Variants in ASIC2 observed in about 807,000 individuals in gnomAD.
ASIC2 encodes acid-sensing ion channel 2.
ASIC2 carries 25 observed loss-of-function variants against 57.3 expected under a neutral mutation model. The observed-to-expected ratio is 0.44, with a 90% CI of 0.32 to 0.61. The LOEUF (loss-of-function observed/expected upper bound fraction) is 0.61, where lower values mean the gene tolerates loss of function less well. Ranked by LOEUF, ASIC2 falls within the 20% of genes least tolerant of loss-of-function variation. ASIC2 has a pLI of 0.06. For synonymous variants in ASIC2, 319 were observed against 307.5 expected (o/e 1.04, Z -0.39); for missense variants, 641 against 738.1 (o/e 0.87, Z 1.52).
At chr17:33,871,159 G>C (rs993686266) in intron 1 of ASIC2, among the ~76,000 whole-genome samples, 37 of 152,310 alleles carry the variant, frequency 2.4e-4, no homozygotes, top group African/African-American at 8.7e-4. Flanking sequence ...CCGGATAGAT[G>C]CCAGATTCCT....
At chr17:33,538,246 A>G (rs987248659) in intron 1 of ASIC2, among the ~76,000 whole-genome samples, 3 of 152,188 alleles carry the variant, frequency 2.0e-5, no homozygotes, top group Non-Finnish European at 4.4e-5. Flanking sequence ...AACAGGACTT[A>G]GAGGTGAAAA....
At chr17:33,448,831 A>T (rs1169056037) in intron 1 of ASIC2, among the ~76,000 whole-genome samples, 4 of 152,208 alleles carry the variant, frequency 2.6e-5, no homozygotes, top group Admixed American at 6.5e-5. Flanking sequence ...CCTTGCATAG[A>T]TGCAGAATGG....
At chr17:33,482,850 G>A (rs896082821) in intron 1 of ASIC2, among the ~76,000 whole-genome samples, 5 of 152,226 alleles carry the variant, frequency 3.3e-5, no homozygotes, top group African/African-American at 1.2e-4. Flanking sequence ...GCCTGGCAAT[G>A]AGAATTGTGA....
intron 1 of ASIC2, among the ~76,000 whole-genome samples, chr17:34,022,165 C>T (rs1475121832): frequency 6.6e-6 from 1 of 152,158 alleles, no homozygotes; most frequent in Non-Finnish European, 1.5e-5. Flanking sequence ...TTAAGCACCA[C>T]TTCCCTGGGG....
At chr17:33,639,312 C>T (rs1906477910) in intron 1 of ASIC2, among the ~76,000 whole-genome samples, 4 of 152,184 alleles carry the variant, frequency 2.6e-5, no homozygotes, top group Admixed American at 2.6e-4. Context: ...ATTTCATCCC[C>T]TCTCCTGGGT....
intron 1 of ASIC2, among the ~76,000 whole-genome samples, chr17:33,701,904 C>T (rs1028714574): frequency 1.3e-5 from 2 of 152,170 alleles, no homozygotes; most frequent in South Asian, 2.1e-4. Flanking sequence ...ATTTCATTGT[C>T]GGTACTTCTG....
At chr17:33,849,297 G>A (rs911523902) in intron 1 of ASIC2, among the ~76,000 whole-genome samples, 3 of 152,166 alleles carry the variant, frequency 2.0e-5, no homozygotes, top group African/African-American at 4.8e-5. Context: ...CTTGCTGTCC[G>A]CTATTAGCAG....
At chr17:33,043,891 G>T (rs1421414900) in intron 3 of ASIC2, among the ~76,000 whole-genome samples, 4 of 152,172 alleles carry the variant, frequency 2.6e-5, no homozygotes, top group African/African-American at 9.7e-5. Flanking sequence ...CGAAGTTGCA[G>T]TAGTAGCTGA....
chr17:33,236,569 G>C (rs1341730793), intron 1 of ASIC2, among the ~76,000 whole-genome samples: 1 of 151,600 alleles, frequency 6.6e-6, no homozygotes, highest in Admixed American at 6.6e-5. Flanking sequence ...TTGAACACCT[G>C]GGCCCAAGTG....
chr17:33,534,633 C>T (rs1024950018), intron 1 of ASIC2: 1 of 152,188 alleles, frequency 6.6e-6, no homozygotes, highest in Admixed American at 6.5e-5. Context: ...TATTGTTATC[C>T]ATCACCCCAT....
At chr17:34,131,786 C>T (rs961130351) in intron 1 of ASIC2, among the ~76,000 whole-genome samples, 4 of 152,150 alleles carry the variant, frequency 2.6e-5, no homozygotes, top group African/African-American at 7.2e-5. Flanking sequence ...TTGCCGAGGC[C>T]CCCTGTCCAA....
At chr17:33,360,873 C>T (rs1169433232) in intron 1 of ASIC2, among the ~76,000 whole-genome samples, 1 of 152,130 alleles carries the variant, frequency 6.6e-6, no homozygotes, top group Non-Finnish European at 1.5e-5. Context: ...AAGAGGAATT[C>T]CCTTGCTTTT....
At position 33,414,019 on chromosome 17, in the gene ASIC2, C is replaced by A. The variant is rs1208162188; in HGVS notation, c.556-301952G>T. 2.6e-5 allele frequency among the ~76,000 whole-genome samples: 4 copies of A among 152,168 alleles called. No individual in the cohort carries two copies. In the East Asian group the frequency reaches 7.7e-4, roughly 29 times the overall value. On this transcript the variant is annotated intron_variant, in intron 1 of 9. Coordinates refer to the ASIC2 transcript ENST00000359872. ...GCATCATTTGAGGAGACCTTCACTC[C>A]CAGACATGGGCCCTGAGCTTGCAGT...
At chr17:33,424,712 T>C (rs1483883656) in intron 1 of ASIC2, among the ~76,000 whole-genome samples, 1 of 152,148 alleles carries the variant, frequency 6.6e-6, no homozygotes, top group Non-Finnish European at 1.5e-5. Context: ...CTTTAGTCCT[T>C]CCTTCCTCTC....
At chr17:33,566,434 G>A (rs2096399921) in intron 1 of ASIC2, among the ~76,000 whole-genome samples, 1 of 152,160 alleles carries the variant, frequency 6.6e-6, no homozygotes, top group Non-Finnish European at 1.5e-5. Context: ...CATCTGGGCT[G>A]CCAGCTGTCC....
At chr17:33,728,367 T>A (rs915041224) in intron 1 of ASIC2, among the ~76,000 whole-genome samples, 1 of 151,146 alleles carries the variant, frequency 6.6e-6, no homozygotes, top group Non-Finnish European at 1.5e-5. Context: ...CTGATTTGGC[T>A]TTCCCCCCTA....
At chr17:33,967,237 T>G (rs781665840) in intron 1 of ASIC2, among the ~76,000 whole-genome samples, 7 of 149,658 alleles carry the variant, frequency 4.7e-5, no homozygotes, top group Non-Finnish European at 4.5e-5. Context: ...TGATTAGAAT[T>G]CTTTTTTTCT....
rs2142184795 is a variant in ASIC2, at chr17:33,292,873, C to G, written c.-758G>C. ...GCCTAAGTCCTGCCAGGCGCCCGCT[C>G]TCGCCTGGGGCTGAGAGCTTCTCAG... On this transcript the variant is annotated 5_prime_UTR_variant, in exon 1 of 10. Coordinates refer to ENST00000225823, the MANE Select transcript of ASIC2 (RefSeq NM_183377.2). 6 of 985,564 alleles carry G rather than the reference C, an allele frequency of 6.1e-6. No homozygotes were observed. The highest frequency in any genetic ancestry group is 7.2e-6 in the Non-Finnish European group (6 of 830,000). 61.1% of individuals were successfully genotyped at this position (985,564 alleles called of 1,614,324 possible). A position where few individuals can be genotyped will look rare whatever the true frequency, so the allele number is the denominator to read the frequency against.
chr17:33,154,498 A>G lies in ASIC2; in HGVS notation c.709-42431T>C, dbSNP rs372798023. Among the ~76,000 whole-genome samples, 240 of 152,306 alleles carry G rather than the reference A, an allele frequency of 1.6e-3. 4 individuals are homozygous for G. The South Asian group carries it at 0.047, about 30-fold the overall frequency. On this transcript the variant is annotated intron_variant, in intron 1 of 9. Transcript: ENST00000225823. ...GGGTATTATGGTTATTATCTCCCCA[A>G]TCTTGGTGAAGCAGGTATTAGCCCT... is the stretch of plus-strand genomic sequence containing the variant.
Sources: allele counts gnomAD v4.1 joint callset (sites outside exome capture counted in the v4.1 genomes callset), GRCh38; gene constraint gnomAD v4.1.1; transcripts MANE v1.5; gene names NCBI Gene and HGNC (gene_info 2026-07-23, HGNC 2026-07-21).